WDR72: variants seen among roughly 807,000 people sequenced by gnomAD.
The protein encoded by WDR72 is WD repeat domain 72, also known as WD repeat-containing protein 72.
In WDR72, 120 loss-of-function variants were observed where a neutral mutation model predicts 124.2. The observed-to-expected ratio is 0.97, with a 90% CI of 0.83 to 1.12. WDR72 has a LOEUF of 1.12. Ranked by LOEUF, WDR72 falls within the 50% of genes most tolerant of loss-of-function variation. The pLI, the probability that WDR72 is intolerant of heterozygous loss-of-function variation, is 0.00. For missense variants in WDR72, 1,387 were observed against 1,278.8 expected, an observed-to-expected ratio of 1.08 and a Z score of -1.29; for synonymous variants, 452 against 441.7, an observed-to-expected ratio of 1.02 and a Z score of -0.29.
chr15:53,586,837 T>C (rs371470345), intron 18 of WDR72, among the ~76,000 whole-genome samples: 7 of 152,024 alleles, frequency 4.6e-5, no homozygotes, highest in Admixed American at 2.6e-4. Context: ...AAAGCAAACA[T>C]GGGAGAGAAA....
At position 53,711,468 on chromosome 15, in the gene WDR72, C is replaced by G; in HGVS notation, c.725G>C (p.Cys242Ser). 6.2e-7 allele frequency: 1 copy of G among 1,613,918 alleles called. No individual in the cohort carries two copies. The highest frequency in any genetic ancestry group is 8.5e-7 in the Non-Finnish European group (1 of 1,179,982). The change falls in exon 8 of 20, where the codon TGT (cysteine) becomes TCT (serine). Residue 242 changes from cysteine (C) to serine (S), a missense_variant. Coordinates refer to ENST00000360509, the MANE Select transcript of WDR72 (RefSeq NM_182758.4). ...TTCAGTCAGCAGAAGGGAAAAATCA[C>G]AATAATCATAAACCTAAAATATGAA... is the stretch of plus-strand genomic sequence containing the variant. ...FSKCWKVYDY[C>S]DFSLLLTEVS...
chr15:53,560,674 GT>G (rs1258371082), intron 18 of WDR72, among the ~76,000 whole-genome samples: 1 of 151,836 alleles, frequency 6.6e-6, no homozygotes, highest in Non-Finnish European at 1.5e-5. Context: ...TCTAGTTTAA[GT>G]TTTTTAGTTG....
rs913056486 is a variant in WDR72, at chr15:53,514,267, G to A, written c.*3432C>T. 3.9e-5 allele frequency: 6 copies of A among 152,022 alleles called. No homozygotes were observed. The highest frequency in any genetic ancestry group is 1.9e-4 in the East Asian group (1 of 5,192). 9.4% of individuals were successfully genotyped at this position (152,022 alleles called of 1,614,324 possible). A position where few individuals can be genotyped will look rare whatever the true frequency, so the allele number is the denominator to read the frequency against. ...GGAGAATAAAGGAGTCTATAACACCGCTTTTATATAACTGAGCAATCAAAA... is the reference window on the plus strand; with the variant it reads ...GGAGAATAAAGGAGTCTATAACACCACTTTTATATAACTGAGCAATCAAAA... On this transcript the variant is annotated 3_prime_UTR_variant, in exon 20 of 20. Transcript: ENST00000360509.
chr15:53,758,171 A>G (rs1467979375), intron 1 of WDR72, among the ~76,000 whole-genome samples: 1 of 151,908 alleles, frequency 6.6e-6, no homozygotes, highest in Admixed American at 6.6e-5. Context: ...CACCACACCC[A>G]GCTGATTTTT....
At position 53,618,544 on chromosome 15, in the gene WDR72, C is replaced by T. The variant is rs1595797648; in HGVS notation, c.1963-2301G>A. Among the ~76,000 whole-genome samples the T allele has an allele frequency of 3.3e-5, 5 of 152,076 alleles. No individual in the cohort carries two copies. The South Asian group carries it at 1.0e-3, about 31-fold the overall frequency. The stretch of plus-strand genomic sequence containing the variant: ...CCTCTCAATGGAATAATGTTTTTCT[C>T]AAAAGGTAGTCTTGTGTTAGCTTGA... On this transcript the variant is annotated intron_variant, in intron 14 of 19. Coordinates refer to ENST00000360509, the MANE Select transcript of WDR72 (RefSeq NM_182758.4).
chr15:53,620,895 A>G (rs985789837), intron 14 of WDR72, among the ~76,000 whole-genome samples: 3 of 152,120 alleles, frequency 2.0e-5, no homozygotes, highest in African/African-American at 4.8e-5. Context: ...TTTACAATCT[A>G]TATGTCTAAC....
At position 53,640,160 on chromosome 15, in the gene WDR72, C is replaced by G. The variant is rs184919850; in HGVS notation, c.1963-23917G>C. Reference sequence around the variant, plus strand: ...GTGAGTCCTGCACATTTCAGTTAGCCCATCTCTAACCTCTGTGTGACCAGA... The same window carrying G: ...GTGAGTCCTGCACATTTCAGTTAGCGCATCTCTAACCTCTGTGTGACCAGA... On this transcript the variant is annotated intron_variant, in intron 14 of 19. Transcript: ENST00000360509. Among the ~76,000 whole-genome samples, 638 of 152,250 alleles carry G rather than the reference C, an allele frequency of 4.2e-3. 2 individuals carry two copies. Among genetic ancestry groups the G allele is most frequent in the Non-Finnish European group, 6.8e-3 (460 of 68,010 alleles).
rs758403168 is a variant in WDR72 at position 53,615,996 on chromosome 15, A to G, written c.2210T>C (p.Leu737Pro). Residue 737 changes from leucine (L) to proline (P), a missense_variant, in exon 15 of 20, where the codon CTT becomes CCT. Physicochemically the swap from Leu to Pro is moderately conservative, Grantham distance 98. Transcript: ENST00000360509. Reference protein sequence around the residue: ...LRKSKTACGPLSAEALAKPIT... With the variant: ...LRKSKTACGPPSAEALAKPIT... ...AGGCTTGGCTAGTGCCTCTGCTGAA[A>G]GAGGACCACAGGCAGTTTTACTTTT... 4 of 1,613,198 alleles carry G rather than the reference A, an allele frequency of 2.5e-6. No homozygotes were observed. The African/African-American group carries it at 5.3e-5, about 22-fold the overall frequency.
chr15:53,643,238 C>T (rs960049559), intron 14 of WDR72, among the ~76,000 whole-genome samples: 1 of 152,030 alleles, frequency 6.6e-6, no homozygotes, highest in Non-Finnish European at 1.5e-5. Context: ...CTTAAGAATT[C>T]CTTGGTTTAT....
intron 18 of WDR72, among the ~76,000 whole-genome samples, chr15:53,546,520 G>T (rs967017461): frequency 1.3e-5 from 2 of 151,352 alleles, no homozygotes; most frequent in South Asian, 2.1e-4. Context: ...GTGGTGGGGT[G>T]GGGGGAGAGG....
In WDR72 at chr15:53,514,138, A is replaced by G. The variant is rs577552689; in HGVS notation, c.*3561T>C. On this transcript the variant is annotated 3_prime_UTR_variant, in exon 20 of 20. Transcript: ENST00000360509. The stretch of plus-strand genomic sequence containing the variant: ...TCTTTTGGTTAAGCTAATTTTTTAA[A>G]ATTACAAAAAACACTAAGTATTATG... The G allele has an allele frequency of 1.1e-4, 16 of 152,342 alleles. No homozygotes were observed. The highest frequency in any genetic ancestry group is 3.4e-4 in the African/African-American group (14 of 41,580). The allele number at this position is 152,342 out of a possible 1,614,324, so 9.4% of individuals were successfully genotyped here. A position where few individuals can be genotyped will look rare whatever the true frequency, so the allele number is the denominator to read the frequency against.
At chr15:53,664,484 C>A (rs34171447) in intron 14 of WDR72, among the ~76,000 whole-genome samples, 1 of 151,508 alleles carries the variant, frequency 6.6e-6, no homozygotes, top group Non-Finnish European at 1.5e-5. Context: ...GCTTTAATGG[C>A]CCATTGGCCT....
chr15:53,524,734 T>C (rs1185940296), intron 18 of WDR72, among the ~76,000 whole-genome samples: 1 of 152,118 alleles, frequency 6.6e-6, no homozygotes, highest in Non-Finnish European at 1.5e-5. Context: ...ATTTACTACG[T>C]TTCTAAAACC....
At chr15:53,570,696 T>C (rs1894492026) in intron 18 of WDR72, among the ~76,000 whole-genome samples, 1 of 152,022 alleles carries the variant, frequency 6.6e-6, no homozygotes, top group Admixed American at 6.6e-5. Context: ...GAACTAAAAA[T>C]AGAATTATCA....
At position 53,711,582 on chromosome 15, in the gene WDR72, G is replaced by A. The variant is rs1017211898; in HGVS notation, c.712-101C>T. 76 of 1,212,378 alleles carry A rather than the reference G, an allele frequency of 6.3e-5. 1 individual carries two copies. The Middle Eastern group carries it at 1.1e-3, about 17-fold the overall frequency. 75.1% of individuals were successfully genotyped at this position (1,212,378 alleles called of 1,614,324 possible). A position where few individuals can be genotyped will look rare whatever the true frequency, so the allele number is the denominator to read the frequency against. ...GTAATAATATAACAACATAGTAAGC[G>A]TTAATAACAGACCATACTGTACTCT... On this transcript the variant is annotated intron_variant, in intron 7 of 19. Transcript: ENST00000360509.
chr15:53,592,755 G>A (rs2012570591), intron 18 of WDR72, among the ~76,000 whole-genome samples: 1 of 151,706 alleles, frequency 6.6e-6, no homozygotes, highest in Admixed American at 6.6e-5. Flanking sequence ...TAGAGCACTT[G>A]TTTAAACTGA....
chr15:53,560,433 C>T (rs566177958), intron 18 of WDR72, among the ~76,000 whole-genome samples: 57 of 151,960 alleles, frequency 3.8e-4, no homozygotes, highest in African/African-American at 1.3e-3. Flanking sequence ...ACTCTTTTAA[C>T]TGTAGAGATG....
intron 14 of WDR72, among the ~76,000 whole-genome samples, chr15:53,636,452 T>G (rs1011761520): frequency 6.6e-6 from 1 of 152,122 alleles, no homozygotes; most frequent in Non-Finnish European, 1.5e-5. Context: ...TTTTAAAAAT[T>G]AAATTAAATT....
intron 16 of WDR72, among the ~76,000 whole-genome samples, chr15:53,612,264 A>T (rs1042711901): frequency 6.6e-6 from 1 of 152,158 alleles, no homozygotes; most frequent in African/African-American, 2.4e-5. Flanking sequence ...ACAGCAATGA[A>T]TAAAACTGTC....
Sources: allele counts gnomAD v4.1 joint callset (sites outside exome capture counted in the v4.1 genomes callset), GRCh38; gene constraint gnomAD v4.1.1; transcripts MANE v1.5; gene names NCBI Gene and HGNC (gene_info 2026-07-23, HGNC 2026-07-21).